The following CCDC40 variants were observed in gnomAD, a reference collection of about 807,000 sequenced individuals.
The protein encoded by CCDC40 is coiled-coil domain 40 molecular ruler complex subunit.
CCDC40 carries 104 observed loss-of-function variants against 124.5 expected under a neutral mutation model. The ratio of observed to expected loss-of-function variants is 0.84; its 90% CI spans 0.71 to 0.98. The LOEUF (loss-of-function observed/expected upper bound fraction) is 0.98. CCDC40 is among the 50% of genes least tolerant of loss of function. CCDC40 has a pLI of 0.00. For synonymous variants in CCDC40, 580 were observed against 602.9 expected, an observed-to-expected ratio of 0.96 and a Z score of 0.56; for missense variants, 1,463 against 1,503.9, an observed-to-expected ratio of 0.97 and a Z score of 0.45.
Position 80,066,199 on chromosome 17 carries a change from T to A in CCDC40, c.1562+593T>A. On this transcript the variant is annotated intron_variant, in intron 10 of 19. Transcript: ENST00000397545. The surrounding 1 kb of genome is among the most constrained non-coding windows in gnomAD (Gnocchi z 4.4). Reference sequence around the variant, plus strand: ...TGGCACGTGTCTCACCCGCTGAGCTTTAACTTCCCCTCCACCTTTCGTAGT... The same window carrying A: ...TGGCACGTGTCTCACCCGCTGAGCTATAACTTCCCCTCCACCTTTCGTAGT... 1.4e-6 allele frequency: 1 copy of A among 702,898 alleles called. No individual in the cohort carries two copies. Among genetic ancestry groups the A allele is most frequent in the East Asian group, 2.7e-5 (1 of 37,260 alleles). The allele number at this position is 702,898 out of a possible 1,614,324, so 43.5% of individuals were successfully genotyped here. A position where few individuals can be genotyped will look rare whatever the true frequency, so the allele number is the denominator to read the frequency against.
In CCDC40 at chr17:80,081,539, T is replaced by G. The variant is rs760610292; in HGVS notation, c.1563-7T>G. On this transcript the variant is annotated splice_polypyrimidine_tract_variant and splice_region_variant and intron_variant, in intron 10 of 19. Transcript: ENST00000397545. ...CGTAACTGGCTCTCCCCGCTGCATT[T>G]CTACAGAGGATGCCAGCATCAAGCC... The G allele has an allele frequency of 6.2e-7, 1 of 1,613,300 alleles. No individual in the cohort carries two copies.
At position 80,048,670 on chromosome 17, in the gene CCDC40, A is replaced by AGG; in HGVS notation, c.768_769dup (p.Ala257GlyfsTer32). 6.2e-7 allele frequency: 1 copy of AGG among 1,614,034 alleles called. No homozygotes were observed. The highest frequency in any genetic ancestry group is 8.5e-7 in the Non-Finnish European group (1 of 1,179,974). On this transcript the variant is annotated frameshift_variant, in exon 5 of 20. Coordinates refer to ENST00000397545, the MANE Select transcript of CCDC40 (RefSeq NM_017950.4). LOFTEE classifies it high-confidence loss of function. ...CAGATCCAGCAGCCCAGCACCGAGG[A>AGG]GGGGGCCATGGCAGAGAGAGTGGAG...
intron 1 of CCDC40, among the ~76,000 whole-genome samples, chr17:80,037,167 C>G (rs927830224): frequency 1.3e-5 from 2 of 152,194 alleles, no homozygotes; most frequent in South Asian, 2.1e-4. Flanking sequence ...CAGATCCCCT[C>G]TCGCAGGCTT....
chr17:80,041,794 A>C (rs2037289267), intron 3 of CCDC40, among the ~76,000 whole-genome samples: 2 of 152,084 alleles, frequency 1.3e-5, no homozygotes, highest in Admixed American at 1.3e-4. Context: ...CTTTAGTGGG[A>C]CTATCACGGA....
At chr17:80,089,126 T>C (rs936453074) in intron 16 of CCDC40, among the ~76,000 whole-genome samples, 8 of 152,256 alleles carry the variant, frequency 5.3e-5, no homozygotes, top group Admixed American at 2.0e-4. Flanking sequence ...CTTTCTTGTT[T>C]TGCTCTGTTT....
Position 80,087,532 on chromosome 17 carries a change from T to A in CCDC40, c.2450-75T>A, listed in dbSNP as rs2038612298. On this transcript the variant is annotated intron_variant, in intron 14 of 19. Transcript: ENST00000397545. This position sits in a 1 kb window ranked among gnomAD's most constrained non-coding sequence, Gnocchi z 4.5. ...GGAGAGACAAAACCTGGCTCACCTCTCGGACACTGCTGCCTGCGGGCGAGG... is the reference window on the plus strand; with the variant it reads ...GGAGAGACAAAACCTGGCTCACCTCACGGACACTGCTGCCTGCGGGCGAGG... 1 of 1,240,434 alleles carries A rather than the reference T, an allele frequency of 8.1e-7. No homozygotes were observed. The highest frequency in any genetic ancestry group is 1.2e-6 in the Non-Finnish European group (1 of 850,226). 76.8% of individuals were successfully genotyped at this position (1,240,434 alleles called of 1,614,324 possible).
chr17:80,056,016 A>ATTTTTTTTTTTTTTTTTTTT (rs1193599741), intron 7 of CCDC40, among the ~76,000 whole-genome samples: 10 of 10,250 alleles, frequency 9.8e-4, no homozygotes, highest in Non-Finnish European at 1.1e-3. Flanking sequence ...ATATATATAT[A>ATTTTTTTTTTTTTTTTTTTT]TTTTTTTTTT....
chr17:80,065,181 C>T (rs1178839725), intron 9 of CCDC40, among the ~76,000 whole-genome samples: 1 of 90,624 alleles, frequency 1.1e-5, no homozygotes, highest in African/African-American at 4.6e-5. Flanking sequence ...CCCTCTCCTC[C>T]CCTCTCCCTC....
rs1348684697 is a variant in CCDC40 at position 80,050,263 on chromosome 17, C to G, written c.1139C>G (p.Ala380Gly). ...CTCTACACCAAGACCTGCGCAGCCG[C>G]CAACGAGGAGCGCAAAAAGTGTAAG... ...RALYTKTCAA[A>G]NEERKKLAAL... Residue 380 changes from alanine (A) to glycine (G), a missense_variant, in exon 7 of 20, where the codon GCC becomes GGC. Transcript: ENST00000397545. 1.9e-6 allele frequency: 3 copies of G among 1,572,348 alleles called. No individual in the cohort carries two copies. The highest frequency in any genetic ancestry group is 2.3e-4 in the Middle Eastern group (1 of 4,392).
chr17:80,094,360 C>T (rs1280838270), intron 17 of CCDC40, among the ~76,000 whole-genome samples: 3 of 151,548 alleles, frequency 2.0e-5, no homozygotes, highest in South Asian at 2.1e-4. Context: ...TGCGGTGAGA[C>T]GAGATTGTGC....
Position 80,099,866 on chromosome 17 carries a change from A to G in CCDC40, c.*91A>G. On this transcript the variant is annotated 3_prime_UTR_variant, in exon 20 of 20. Coordinates refer to ENST00000397545, the MANE Select transcript of CCDC40 (RefSeq NM_017950.4). ...GGACTTGGAATCTTTTGTGTTCCTA[A>G]AAACCACATGTACCCTCAGAAGGGC... The G allele has an allele frequency of 7.0e-7, 1 of 1,431,392 alleles. No individual in the cohort carries two copies. The allele number at this position is 1,431,392 out of a possible 1,614,324, so 88.7% of individuals were successfully genotyped here.
At chr17:80,070,948 C>T (rs2038171310) in intron 10 of CCDC40, among the ~76,000 whole-genome samples, 1 of 152,148 alleles carries the variant, frequency 6.6e-6, no homozygotes, top group Admixed American at 6.5e-5. Context: ...CCCCAGCAGC[C>T]AGAAGTCCTG....
Position 80,086,211 on chromosome 17 carries a change from T to G in CCDC40, c.2444T>G (p.Val815Gly). ...ATCATGGAGCAGAAGAAACTACGAGTAGAAAGTAAGAGCCGCCGTGCCCGG... is the reference window on the plus strand; with the variant it reads ...ATCATGGAGCAGAAGAAACTACGAGGAGAAAGTAAGAGCCGCCGTGCCCGG... ...LHIMEQKKLRVESKIEQEKKE... is the reference protein window; with the variant it reads ...LHIMEQKKLRGESKIEQEKKE... Residue 815 changes from valine to glycine, a missense_variant, in exon 14 of 20, where the codon GTA (valine) becomes GGA (glycine). By Grantham distance (109) the Val-to-Gly change is moderately radical. Transcript: ENST00000397545. This position sits in a 1 kb window ranked among gnomAD's most constrained non-coding sequence, Gnocchi z 5.5. The G allele has an allele frequency of 6.2e-7, 1 of 1,603,384 alleles. No individual in the cohort carries two copies. Among genetic ancestry groups the G allele is most frequent in the Non-Finnish European group, 8.5e-7 (1 of 1,175,336 alleles).
chr17:80,075,341 G>A (rs967136054), intron 10 of CCDC40, among the ~76,000 whole-genome samples: 5 of 148,344 alleles, frequency 3.4e-5, no homozygotes, highest in Non-Finnish European at 7.4e-5. Flanking sequence ...GCAGTGGCAC[G>A]ATCTCAGCTC....
Position 80,047,296 on chromosome 17 carries a change from G to C in CCDC40, c.570G>C (p.Glu190Asp). The C allele has an allele frequency of 1.2e-6, 2 of 1,614,010 alleles. No homozygotes were observed. The highest frequency in any genetic ancestry group is 1.7e-5 in the Admixed American group (1 of 60,020). The change falls in exon 4 of 20, where the codon GAG becomes GAC. Residue 190 changes from glutamate (E) to aspartate (D), a missense_variant. Coordinates refer to ENST00000397545, the MANE Select transcript of CCDC40 (RefSeq NM_017950.4). ...AVGRLTGSTE[E>D]PQGQVLPMGV... Reference sequence around the variant, plus strand: ...TGCCATAGACAGGATCCACAGAGGAGCCCCAGGGGCAGGTGCTCCCAATGG... The same window carrying C: ...TGCCATAGACAGGATCCACAGAGGACCCCCAGGGGCAGGTGCTCCCAATGG...
At chr17:80,069,211 T>C (rs189216351) in intron 10 of CCDC40, among the ~76,000 whole-genome samples, 209 of 152,270 alleles carry the variant, frequency 1.4e-3, no homozygotes, top group Admixed American at 2.8e-3. Flanking sequence ...ACCTAATGCT[T>C]TGAAGACAGA....
intron 7 of CCDC40, 115 bp downstream of exon 7, chr17:80,050,398 G>A: frequency 1.2e-6 from 1 of 815,918 alleles, no homozygotes; most frequent in Non-Finnish European, 2.1e-6. Context: ...ATCCTGGAGG[G>A]GTTCCCACCC....
chr17:80,058,504 G>T lies in CCDC40; in HGVS notation c.1170G>T (p.Leu390=). ...ANEERKKLAA[L]QTEMENLALH... ...CGCCGCGCCCCGCAGTGGCGGCTCTGCAGACTGAGATGGAGAACTTGGCCC... is the reference window on the plus strand; with the variant it reads ...CGCCGCGCCCCGCAGTGGCGGCTCTTCAGACTGAGATGGAGAACTTGGCCC... The change falls in exon 8 of 20, where the codon CTG becomes CTT. Residue 390 remains leucine (L), a synonymous_variant. Transcript: ENST00000397545. This position sits in a 1 kb window ranked among gnomAD's most constrained non-coding sequence, Gnocchi z 4.2. 6.2e-7 allele frequency: 1 copy of T among 1,614,000 alleles called. No individual in the cohort carries two copies. Among genetic ancestry groups the T allele is most frequent in the Non-Finnish European group, 8.5e-7 (1 of 1,179,994 alleles).
chr17:80,055,226 A>C (rs1239225939), intron 7 of CCDC40, among the ~76,000 whole-genome samples: 1 of 152,182 alleles, frequency 6.6e-6, no homozygotes, highest in Non-Finnish European at 1.5e-5. Flanking sequence ...TGGAGGCTCC[A>C]GCAACGCAAA....
Sources: gnomAD v4.1 joint callset for allele counts (sites outside exome capture counted in the v4.1 genomes callset) on GRCh38, gnomAD v4.1.1 for gene constraint, Gnocchi (gnomAD v3.1) non-coding constraint, MANE v1.5 for transcripts, NCBI Gene and HGNC (gene_info 2026-07-23, HGNC 2026-07-21) for gene names.